F13A1: variants seen among roughly 807,000 people sequenced by gnomAD.
F13A1 encodes coagulation factor XIII A chain.
Under a neutral mutation model 80.1 loss-of-function variants are expected in F13A1, and 47 were observed. That is an observed-to-expected ratio of 0.59 (90% CI 0.46 to 0.75). The LOEUF is 0.75. Among genes scored for constraint, F13A1 ranks in the 30% least tolerant of loss-of-function variants. The pLI is 0.00. For synonymous variants in F13A1, 349 were observed against 344.9 expected (o/e 1.01, Z -0.13); for missense variants, 817 against 930.4 (o/e 0.88, Z 1.59).
intron 12 of F13A1, among the ~76,000 whole-genome samples, chr6:6,171,265 GTCTAC>G (rs553691984): frequency 2.5e-4 from 38 of 152,212 alleles, no homozygotes; most frequent in Non-Finnish European, 4.1e-4. Flanking sequence ...GCTATTATCT[GTCTAC>G]TCTATTATCT....
rs138690353 is a variant in F13A1 at position 6,305,510 on chromosome 6, A to T, written c.160T>A (p.Phe54Ile). 587 of 1,614,222 alleles carry T rather than the reference A, an allele frequency of 3.6e-4. 11 individuals carry two copies. The Admixed American group carries it at 9.1e-3, about 25-fold the overall frequency. The change falls in exon 3 of 15, where the codon TTC becomes ATC. Residue 54 changes from phenylalanine (F) to isoleucine (I), a missense_variant. Coordinates refer to ENST00000264870, the MANE Select transcript of F13A1 (RefSeq NM_000129.4). ...TTGTTAGTGTCCCATCTCTCCTTGA[A>T]CAGGTGAACGCTCGTGACATTAAGA... ...EFLNVTSVHL[F>I]KERWDTNKVD...
chr6:6,150,491 A>T (rs1760355113), intron 14 of F13A1, among the ~76,000 whole-genome samples: 1 of 152,244 alleles, frequency 6.6e-6, no homozygotes, highest in Non-Finnish European at 1.5e-5. Flanking sequence ...TTAAATGATG[A>T]GATGCAGAAG....
intron 7 of F13A1, among the ~76,000 whole-genome samples, chr6:6,223,061 C>A (rs3024409): frequency 0.26 from 39,995 of 152,102 alleles, 5,669 homozygotes; most frequent in Middle Eastern, 0.43. Context: ...CTGTTTCTGG[C>A]TGAACACTAA....
chr6:6,251,081 C>T (rs1757626062), intron 4 of F13A1, 152 bp from the exon 5 acceptor site: 1 of 742,610 alleles, frequency 1.3e-6, no homozygotes, highest in East Asian at 2.5e-5. Context: ...AGCTCATTTC[C>T]CAATATTTTT....
chr6:6,298,933 G>C lies in F13A1; in HGVS notation c.319+6418C>G, dbSNP rs577273411. Among the ~76,000 whole-genome samples the C allele has an allele frequency of 7.8e-3, 1,160 of 148,404 alleles. 117 individuals carry two copies. The highest frequency in any genetic ancestry group is 0.029 in the African/African-American group (1,117 of 38,226). ...AGCGCTTCCTTCAGGAGCTCTTTTA[G>C]GGCAGGCCTGGTGGTGACAAAATCT... On this transcript the variant is annotated intron_variant, in intron 3 of 14. Transcript: ENST00000264870.
chr6:6,160,804 G>A (rs907990921), intron 13 of F13A1, among the ~76,000 whole-genome samples: 22 of 150,920 alleles, frequency 1.5e-4, no homozygotes, highest in African/African-American at 4.6e-4. Context: ...CAGAGCAAAC[G>A]CTTACTTTTA....
At chr6:6,200,927 A>G (rs1333813288) in intron 8 of F13A1, among the ~76,000 whole-genome samples, 1 of 152,156 alleles carries the variant, frequency 6.6e-6, no homozygotes, top group Non-Finnish European at 1.5e-5. Flanking sequence ...GTCACTGTGT[A>G]TGTTAGACAA....
In F13A1 at chr6:6,170,712, A is replaced by T. The variant is rs1760757520; in HGVS notation, c.1748-3094T>A. ...AGATCTCCCAAGCTGATTCCAGCAC[A>T]CACATTCCCTTTAATCATCAATCTG... is the stretch of plus-strand genomic sequence containing the variant. On this transcript the variant is annotated intron_variant, in intron 12 of 14. Transcript: ENST00000264870. Among the ~76,000 whole-genome samples the T allele has an allele frequency of 3.9e-5, 6 of 152,196 alleles. 1 individual carries two copies. The South Asian group carries it at 1.0e-3, about 26-fold the overall frequency.
chr6:6,179,546 G>C (rs1760942419), intron 11 of F13A1, among the ~76,000 whole-genome samples: 1 of 152,170 alleles, frequency 6.6e-6, no homozygotes, highest in Admixed American at 6.5e-5. Flanking sequence ...CTGCATGCCA[G>C]TGGCCAATGG....
chr6:6,208,771 T>C (rs938957269), intron 8 of F13A1, among the ~76,000 whole-genome samples: 8 of 152,196 alleles, frequency 5.3e-5, no homozygotes, highest in African/African-American at 1.9e-4. Flanking sequence ...TTCTCTCTTA[T>C]TCGCTCTCTT....
intron 10 of F13A1, among the ~76,000 whole-genome samples, chr6:6,188,235 T>C (rs551962618): frequency 3.0e-4 from 45 of 152,252 alleles, no homozygotes; most frequent in Non-Finnish European, 5.4e-4. Flanking sequence ...AGTTCTGCTC[T>C]GATTTTAGTT....
intron 3 of F13A1, among the ~76,000 whole-genome samples, chr6:6,290,752 A>G (rs1758212172): frequency 6.6e-6 from 1 of 152,212 alleles, no homozygotes; most frequent in Admixed American, 6.5e-5. Context: ...AAACACGTTG[A>G]TCATCAATGC....
intron 2 of F13A1, among the ~76,000 whole-genome samples, chr6:6,317,111 G>A (rs536632662): frequency 8.5e-5 from 13 of 152,218 alleles, no homozygotes; most frequent in South Asian, 4.2e-4. Context: ...TGGGCCACAG[G>A]GGAATTTTGC....
chr6:6,217,314 G>A (rs1330431024), intron 8 of F13A1, among the ~76,000 whole-genome samples: 1 of 151,938 alleles, frequency 6.6e-6, no homozygotes, highest in African/African-American at 2.4e-5. Flanking sequence ...TTAAGAATAT[G>A]TGGCACATAT....
chr6:6,153,627 G>A (rs1260316549), intron 13 of F13A1, among the ~76,000 whole-genome samples: 1 of 152,194 alleles, frequency 6.6e-6, no homozygotes, highest in Non-Finnish European at 1.5e-5. Flanking sequence ...GCAGACGATG[G>A]TCATGGTAGC....
At chr6:6,303,591 A>G (rs547411208) in intron 3 of F13A1, among the ~76,000 whole-genome samples, 1 of 152,288 alleles carries the variant, frequency 6.6e-6, no homozygotes, top group South Asian at 2.1e-4. Context: ...AATATACATT[A>G]TTATTAACTA....
chr6:6,244,005 G>A (rs138032816), intron 6 of F13A1, among the ~76,000 whole-genome samples: 9 of 152,312 alleles, frequency 5.9e-5, no homozygotes, highest in Middle Eastern at 3.4e-3. Flanking sequence ...TAACCACGCC[G>A]CAGTAATGCC....
chr6:6,189,601 T>G (rs1275598477), intron 10 of F13A1, among the ~76,000 whole-genome samples: 1 of 143,502 alleles, frequency 7.0e-6, no homozygotes. Flanking sequence ...CCGCTGTTAG[T>G]CTGATGGGCT....
rs553115547 is a variant in F13A1, at chr6:6,209,097, G to C, written c.1113-11771C>G. Among the ~76,000 whole-genome samples, 63 of 152,172 alleles carry C rather than the reference G, an allele frequency of 4.1e-4. 3 individuals carry two copies. The highest frequency in any genetic ancestry group is 1.4e-3 in the African/African-American group (60 of 41,526). ...ATTTACAAATCACATATATGATAGAGAGCTTATATGCAGAACATATAAAGA... is the reference window on the plus strand; with the variant it reads ...ATTTACAAATCACATATATGATAGACAGCTTATATGCAGAACATATAAAGA... On this transcript the variant is annotated intron_variant, in intron 8 of 14. Coordinates refer to ENST00000264870, the MANE Select transcript of F13A1 (RefSeq NM_000129.4).
Sources: allele counts gnomAD v4.1 joint callset (sites outside exome capture counted in the v4.1 genomes callset), GRCh38; gene constraint gnomAD v4.1.1; transcripts MANE v1.5; gene names NCBI Gene and HGNC (gene_info 2026-07-23, HGNC 2026-07-21).